Variants in CLCN3 observed in about 807,000 individuals in gnomAD.
CLCN3 encodes the protein H(+)/Cl(-) exchange transporter 3.
A neutral mutation model predicts 83.4 loss-of-function variants in CLCN3; 16 were observed. The observed-to-expected ratio is 0.19, with a 90% CI of 0.13 to 0.29. The LOEUF is 0.29. Ranked by LOEUF, CLCN3 falls within the 10% of genes least tolerant of loss-of-function variation. The pLI is 1.00. For missense variants in CLCN3, 544 were observed against 1,006.0 expected (o/e 0.54, Z 6.21); for synonymous variants, 322 against 346.2 (o/e 0.93, Z 0.78).
chr4:169,674,689 A>G (rs1731609513), intron 2 of CLCN3, among the ~76,000 whole-genome samples: 1 of 152,016 alleles, frequency 6.6e-6, no homozygotes, highest in South Asian at 2.1e-4. Flanking sequence ...TTTTTGGAGT[A>G]CTTCTGCTAA....
chr4:169,714,179 C>T (rs1438086678), intron 12 of CLCN3, among the ~76,000 whole-genome samples: 1 of 151,778 alleles, frequency 6.6e-6, no homozygotes, highest in Non-Finnish European at 1.5e-5. Flanking sequence ...AAGGCAAATA[C>T]CAAAAAACAG....
chr4:169,654,203 G>T (rs1036379345), intron 2 of CLCN3, among the ~76,000 whole-genome samples: 1 of 151,158 alleles, frequency 6.6e-6, no homozygotes, highest in South Asian at 2.1e-4. Flanking sequence ...ATTCTTCTCC[G>T]TCTCCTTTCC....
At position 169,660,170 on chromosome 4, in the gene CLCN3, G is replaced by A. The variant is rs1731003683; in HGVS notation, c.161-19880G>A. ...GCTAGATTGTAGCCACTAGCAACCA[G>A]GCTGCAATAATTTCCCTTTGATGAC... On this transcript the variant is annotated intron_variant, in intron 2 of 12. Transcript: ENST00000513761. 3 of 1,145,570 alleles carry A rather than the reference G, an allele frequency of 2.6e-6. No individual in the cohort carries two copies. The South Asian group carries it at 1.2e-4, about 46-fold the overall frequency. The allele number at this position is 1,145,570 out of a possible 1,614,324, so 71.0% of individuals were successfully genotyped here. A position where few individuals can be genotyped will look rare whatever the true frequency, so the allele number is the denominator to read the frequency against.
At chr4:169,699,699 C>T (rs1184003265) in intron 9 of CLCN3, among the ~76,000 whole-genome samples, 5 of 151,880 alleles carry the variant, frequency 3.3e-5, no homozygotes, top group South Asian at 2.1e-4. Context: ...CTGGCTAATG[C>T]GGTGAAACCC....
At chr4:169,686,423 T>TA (rs1434375132) in intron 3 of CLCN3, among the ~76,000 whole-genome samples, 2 of 151,458 alleles carry the variant, frequency 1.3e-5, no homozygotes, top group East Asian at 3.9e-4. Context: ...AATTGACTTT[T>TA]TTTTTTTTTT....
At position 169,719,935 on chromosome 4, in the gene CLCN3, GAT is replaced by G; in HGVS notation, c.2398_2399del (p.Ile800ProfsTer42). ...GRLLGIITKK[D>X]ILRHMAQTAN... ...CCTCCTTGGCATTATAACAAAAAAA[GAT>G]ATCCTCCGGCATATGGCCCAGACGG... On this transcript the variant is annotated frameshift_variant, in exon 13 of 13. Transcript: ENST00000513761. LOFTEE classifies it high-confidence loss of function. 1 of 1,612,872 alleles carries G rather than the reference GAT, an allele frequency of 6.2e-7. No individual in the cohort carries two copies. The highest frequency in any genetic ancestry group is 8.5e-7 in the Non-Finnish European group (1 of 1,179,694).
intron 1 of CLCN3, among the ~76,000 whole-genome samples, chr4:169,624,664 C>G (rs1208301051): frequency 1.3e-5 from 2 of 152,138 alleles, no homozygotes; most frequent in East Asian, 1.9e-4. Flanking sequence ...AGCTGTAGGG[C>G]CTATACAAAT....
chr4:169,683,267 G>T (rs1371625614), intron 3 of CLCN3, among the ~76,000 whole-genome samples: 1 of 152,154 alleles, frequency 6.6e-6, no homozygotes, highest in East Asian at 1.9e-4. Context: ...GAAGGTTGAG[G>T]CAGAGGATCG....
chr4:169,664,280 C>A (rs191392767), intron 2 of CLCN3, among the ~76,000 whole-genome samples: 99 of 152,224 alleles, frequency 6.5e-4, no homozygotes, highest in Non-Finnish European at 1.0e-3. Flanking sequence ...TTTCAAGTTT[C>A]TCCCTGAAAT....
intron 1 of CLCN3, among the ~76,000 whole-genome samples, chr4:169,622,216 A>T (rs1422579663): frequency 6.6e-6 from 1 of 152,254 alleles, no homozygotes; most frequent in Non-Finnish European, 1.5e-5. Context: ...ATTGTACTTC[A>T]GTATGTGTTA....
chr4:169,646,735 AT>A (rs1361671877), intron 2 of CLCN3, among the ~76,000 whole-genome samples: 3 of 152,186 alleles, frequency 2.0e-5, no homozygotes, highest in African/African-American at 7.2e-5. Context: ...GCCCACCAAA[AT>A]GGTAGTGTAA....
Position 169,719,792 on chromosome 4 carries a change from A to G in CLCN3, c.2367-115A>G, listed in dbSNP as rs1036777114. 6 of 728,592 alleles carry G rather than the reference A, an allele frequency of 8.2e-6. No individual in the cohort carries two copies. The African/African-American group carries it at 1.1e-4, about 13-fold the overall frequency. 45.1% of individuals were successfully genotyped at this position (728,592 alleles called of 1,614,324 possible). A position where few individuals can be genotyped will look rare whatever the true frequency, so the allele number is the denominator to read the frequency against. ...ATAAAGTACTTTTTGGAAATACAAA[A>G]TCAGGCTGCTTGCTTTGCTCTATTC... On this transcript the variant is annotated intron_variant, in intron 12 of 12. Transcript: ENST00000513761.
chr4:169,719,360 G>A (rs1187251396), intron 12 of CLCN3, among the ~76,000 whole-genome samples: 4 of 152,216 alleles, frequency 2.6e-5, no homozygotes, highest in Non-Finnish European at 5.9e-5. Context: ...GGGAAGCTGA[G>A]GCAGGAGAAT....
At chr4:169,716,317 T>C (rs1715161497) in intron 12 of CLCN3, among the ~76,000 whole-genome samples, 1 of 152,218 alleles carries the variant, frequency 6.6e-6, no homozygotes, top group Non-Finnish European at 1.5e-5. Context: ...TGGGTCGTTA[T>C]ACATTTGTAA....
chr4:169,643,051 T>G (rs1730463065), intron 2 of CLCN3: 1 of 152,198 alleles, frequency 6.6e-6, no homozygotes, highest in African/African-American at 2.4e-5. Context: ...AACAGTGATT[T>G]TAGAATTATA....
chr4:169,667,870 C>T lies in CLCN3; in HGVS notation c.161-12180C>T, dbSNP rs543275295. 9.6e-4 allele frequency among the ~76,000 whole-genome samples: 145 copies of T among 151,488 alleles called. 1 individual carries two copies. The highest frequency in any genetic ancestry group is 3.3e-3 in the African/African-American group (137 of 41,384). Reference sequence around the variant, plus strand: ...AAGTGATTCTGCTGCCTCAGCTTCCCGAGTAGCTGGGACTACAGGCATATG... The same window carrying T: ...AAGTGATTCTGCTGCCTCAGCTTCCTGAGTAGCTGGGACTACAGGCATATG... On this transcript the variant is annotated intron_variant, in intron 2 of 12. Coordinates refer to ENST00000513761, the MANE Select transcript of CLCN3 (RefSeq NM_001829.4).
At chr4:169,698,533 A>C (rs1405627397) in intron 9 of CLCN3, among the ~76,000 whole-genome samples, 4 of 152,178 alleles carry the variant, frequency 2.6e-5, no homozygotes, top group Non-Finnish European at 5.9e-5. Flanking sequence ...TAGCCAAAGA[A>C]GTCTTGCAGC....
intron 2 of CLCN3, among the ~76,000 whole-genome samples, chr4:169,668,133 A>G (rs752553636): frequency 3.4e-5 from 5 of 147,566 alleles, no homozygotes; most frequent in Non-Finnish European, 7.4e-5. Context: ...TGAGTAATAT[A>G]ATGCAACATG....
At chr4:169,660,333 C>G (rs1731009284) in intron 2 of CLCN3, 1 of 1,375,260 alleles carries the variant, frequency 7.3e-7, no homozygotes, top group Non-Finnish European at 9.3e-7. Flanking sequence ...CAAGCTTTTT[C>G]TTTTTCTTTT....
Sources: gnomAD v4.1 joint callset for allele counts (sites outside exome capture counted in the v4.1 genomes callset) on GRCh38, gnomAD v4.1.1 for gene constraint, MANE v1.5 for transcripts, NCBI Gene and HGNC (gene_info 2026-07-23, HGNC 2026-07-21) for gene names.